The following ENPP2 variants were observed in gnomAD, a reference collection of about 807,000 sequenced individuals.
The protein encoded by ENPP2 is ectonucleotide pyrophosphatase/phosphodiesterase 2.
A neutral mutation model predicts 120.2 loss-of-function variants in ENPP2; 51 were observed. The ratio of observed to expected loss-of-function variants is 0.42; its 90% confidence interval spans 0.34 to 0.54. The LOEUF (loss-of-function observed/expected upper bound fraction) is 0.54, where lower values mean the gene tolerates loss of function less well. Among genes scored for constraint, ENPP2 ranks in the 20% least tolerant of loss-of-function variants. The pLI is 0.04. For missense variants in ENPP2, 920 were observed against 1,066.5 expected, an observed-to-expected ratio of 0.86 and a Z score of 1.91; for synonymous variants, 365 against 366.4, an observed-to-expected ratio of 1.00 and a Z score of 0.04.
intron 1 of ENPP2, among the ~76,000 whole-genome samples, chr8:119,644,327 GT>G (rs902841848): frequency 6.6e-6 from 1 of 151,678 alleles, no homozygotes; most frequent in Non-Finnish European, 1.5e-5. Flanking sequence ...AAGTGGGGGA[GT>G]TAGGAAAAAA....
At chr8:119,620,364 A>G (rs1815800915) in intron 4 of ENPP2, among the ~76,000 whole-genome samples, 1 of 152,270 alleles carries the variant, frequency 6.6e-6, no homozygotes, top group Non-Finnish European at 1.5e-5. Flanking sequence ...TTATGCTTCA[A>G]AATAAAAGCA....
At chr8:119,562,171 A>C (rs1814016361) in intron 24 of ENPP2, among the ~76,000 whole-genome samples, 1 of 151,804 alleles carries the variant, frequency 6.6e-6, no homozygotes, top group Admixed American at 6.6e-5. Context: ...GGCCACGCAC[A>C]ATGGCTCATG....
At chr8:119,600,631 T>C in intron 11 of ENPP2, 47 bp downstream of exon 11, 1 of 1,154,842 alleles carries the variant, frequency 8.7e-7, no homozygotes. Flanking sequence ...GTAGATCAGG[T>C]AGCCCAGGGC....
At chr8:119,615,033 T>TA (rs1304937989) in intron 8 of ENPP2, among the ~76,000 whole-genome samples, 26 of 152,354 alleles carry the variant, frequency 1.7e-4, no homozygotes, top group African/African-American at 6.3e-4. Flanking sequence ...TTATGCAATA[T>TA]AAATATTTTG....
rs150950002 is a variant in ENPP2, at chr8:119,648,258, T to A, written c.22-9731A>T. 8.7e-4 allele frequency among the ~76,000 whole-genome samples: 133 copies of A among 152,344 alleles called. No individual in the cohort carries two copies. In the East Asian group the frequency reaches 0.023, roughly 27 times the overall value. ...AGAGAGCAAGGTCTGTGTCATCTGC[T>A]ATCGTGCTCTCAGCATCTTCTAAAG... On this transcript the variant is annotated intron_variant, in intron 1 of 25. Coordinates refer to the ENPP2 transcript ENST00000427067.
At chr8:119,605,634 A>ATTT (rs11385264) in intron 9 of ENPP2, among the ~76,000 whole-genome samples, 150 of 143,816 alleles carry the variant, frequency 1.0e-3, no homozygotes, top group African/African-American at 2.0e-3. Context: ...CTAATTTTGT[A>ATTT]TTTTTTTTTT....
At chr8:119,583,145 A>C (rs1812864820) in intron 17 of ENPP2, among the ~76,000 whole-genome samples, 1 of 152,170 alleles carries the variant, frequency 6.6e-6, no homozygotes, top group African/African-American at 2.4e-5. Context: ...GTGCGTATTC[A>C]GTAACTTGCT....
chr8:119,620,894 T>A (rs1233807050), intron 4 of ENPP2, among the ~76,000 whole-genome samples: 1 of 152,112 alleles, frequency 6.6e-6, no homozygotes, highest in Non-Finnish European at 1.5e-5. Context: ...ATCCAATAGA[T>A]AAAAAAGCCC....
intron 1 of ENPP2, among the ~76,000 whole-genome samples, chr8:119,646,006 T>A (rs191385568): frequency 6.6e-6 from 1 of 151,898 alleles, no homozygotes; most frequent in East Asian, 2.0e-4. Flanking sequence ...TTCACTCTTG[T>A]TGCCCAGGCT....
Position 119,582,540 on chromosome 8 carries a change from G to A in ENPP2, c.1606C>T (p.Arg536Cys), listed in dbSNP as rs142924657. The A allele has an allele frequency of 2.0e-4, 323 of 1,613,294 alleles. 1 individual carries two copies. In the African/African-American group the frequency reaches 3.3e-3, roughly 17 times the overall value. ...GTHGSLNHLLRTNTFRPTMPE... is the reference protein window; with the variant it reads ...GTHGSLNHLLCTNTFRPTMPE... ...ATGGTTGGCCTGAAGGTATTAGTGCGCAGGAGATGATTCAAACTTCCATGG... is the reference window on the plus strand; with the variant it reads ...ATGGTTGGCCTGAAGGTATTAGTGCACAGGAGATGATTCAAACTTCCATGG... The change falls in exon 18 of 25, where the codon CGC (arginine) becomes TGC (cysteine). Residue 536 changes from arginine (R) to cysteine (C), a missense_variant. Coordinates refer to ENST00000075322, the MANE Select transcript of ENPP2 (RefSeq NM_001040092.3).
At chr8:119,661,814 T>C (rs1443941774) in intron 1 of ENPP2, among the ~76,000 whole-genome samples, 1 of 152,136 alleles carries the variant, frequency 6.6e-6, no homozygotes, top group African/African-American at 2.4e-5. Flanking sequence ...GTGGTATATA[T>C]ACACAATGGA....
chr8:119,619,205 A>T, intron 5 of ENPP2, 39 bp downstream of exon 5: 2 of 1,353,780 alleles, frequency 1.5e-6, no homozygotes, highest in Non-Finnish European at 2.1e-6. Context: ...TTTATCAGCT[A>T]ATACATAAAA....
chr8:119,590,340 T>A (rs542683760), intron 13 of ENPP2, among the ~76,000 whole-genome samples, 165 bp downstream of exon 13: 1 of 152,294 alleles, frequency 6.6e-6, no homozygotes, highest in East Asian at 1.9e-4. Context: ...ATTTTTCAGA[T>A]GAAAAAACTG....
At chr8:119,567,710 C>T (rs1355333098) in intron 22 of ENPP2, among the ~76,000 whole-genome samples, 1 of 152,186 alleles carries the variant, frequency 6.6e-6, no homozygotes. Context: ...GGAAGAGGTG[C>T]TACTGGCTTT....
At chr8:119,655,156 A>T (rs565303050) in intron 1 of ENPP2, among the ~76,000 whole-genome samples, 1 of 152,232 alleles carries the variant, frequency 6.6e-6, no homozygotes, top group Admixed American at 6.5e-5. Context: ...ACAAAATCCT[A>T]TGATGGACTT....
At chr8:119,629,537 C>T (rs566595059) in intron 2 of ENPP2, among the ~76,000 whole-genome samples, 1 of 152,150 alleles carries the variant, frequency 6.6e-6, no homozygotes, top group Non-Finnish European at 1.5e-5. Flanking sequence ...TCATCCAATC[C>T]CAGCCTTTAT....
At position 119,557,344 on chromosome 8, in the gene ENPP2, G is replaced by A; in HGVS notation, c.*177C>T. The A allele has an allele frequency of 5.3e-6, 3 of 569,466 alleles. No individual in the cohort carries two copies. Among genetic ancestry groups the A allele is most frequent in the Non-Finnish European group, 9.2e-6 (3 of 327,658 alleles). The allele number at this position is 569,466 out of a possible 1,614,324, so 35.3% of individuals were successfully genotyped here. On this transcript the variant is annotated 3_prime_UTR_variant, in exon 25 of 25. Transcript: ENST00000075322. ...TTACAAGCTCTACTCAGAACACAAGGCTACCTAAATCAAGCATTAGAGAAA... is the reference window on the plus strand; with the variant it reads ...TTACAAGCTCTACTCAGAACACAAGACTACCTAAATCAAGCATTAGAGAAA...
intron 11 of ENPP2, chr8:119,595,735 G>A (rs1813838523): frequency 4.5e-5 from 44 of 985,628 alleles, no homozygotes; most frequent in Non-Finnish European, 6.9e-5. Context: ...CAAGGTCAAT[G>A]CACCAGAGTT....
At chr8:119,604,106 C>T (rs537967566) in intron 9 of ENPP2, among the ~76,000 whole-genome samples, 4 of 151,306 alleles carry the variant, frequency 2.6e-5, no homozygotes, top group Middle Eastern at 3.4e-3. Flanking sequence ...CGGCTCACTG[C>T]AACCTCCACC....
Sources: gnomAD v4.1 joint callset for allele counts (sites outside exome capture counted in the v4.1 genomes callset) on GRCh38, gnomAD v4.1.1 for gene constraint, MANE v1.5 for transcripts, NCBI Gene and HGNC (gene_info 2026-07-23, HGNC 2026-07-21) for gene names.